CELF2: variants seen among roughly 807,000 people sequenced by gnomAD.
The protein encoded by CELF2 is CUGBP Elav-like family member 2.
In CELF2, 8 loss-of-function variants were observed where a neutral mutation model predicts 62.6. That is an observed-to-expected ratio of 0.13 (90% confidence interval 0.07 to 0.23). CELF2 has a LOEUF of 0.23. Ranked by LOEUF, CELF2 falls within the 10% of genes least tolerant of loss-of-function variation. The pLI is 1.00. For synonymous variants in CELF2, 258 were observed against 250.0 expected, an observed-to-expected ratio of 1.03 and a Z score of -0.30; for missense variants, 333 against 671.0, an observed-to-expected ratio of 0.50 and a Z score of 5.56.
At chr10:10,725,229 A>G in the CELF2 span, among the ~76,000 whole-genome samples, 2 of 152,126 alleles carry the variant, frequency 1.3e-5, no homozygotes, top group Non-Finnish European at 1.5e-5. Context: ...CTAATTACCT[A>G]ACAGTAATAA....
chr10:11,165,364 G>A lies in CELF2; in HGVS notation c.75-122G>A. The A allele has an allele frequency of 3.3e-6, 5 of 1,505,370 alleles. No individual in the cohort carries two copies. The South Asian group carries it at 5.4e-5, about 16-fold the overall frequency. The allele number at this position is 1,505,370 out of a possible 1,614,324, so 93.3% of individuals were successfully genotyped here. ...TCATCAAATTTCTACGACTCATTAGGCACTTTGCCACTGCTCTTCTTCCTC... is the reference window on the plus strand; with the variant it reads ...TCATCAAATTTCTACGACTCATTAGACACTTTGCCACTGCTCTTCTTCCTC... On this transcript the variant is annotated intron_variant, in intron 1 of 12. Transcript: ENST00000633077. The surrounding 1 kb of genome is among the most constrained non-coding windows in gnomAD (Gnocchi z 7.4).
chr10:11,003,941 T>C (rs1179484767), upstream of CELF2, among the ~76,000 whole-genome samples: 3 of 152,154 alleles, frequency 2.0e-5, no homozygotes, highest in Admixed American at 6.5e-5. This position sits in a 1 kb window ranked among gnomAD's most constrained non-coding sequence, Gnocchi z 4.4. Context: ...CCTCTAGAAA[T>C]AGGGATGGTG....
chr10:11,040,259 C>G (rs2061599870), intron 1 of CELF2, among the ~76,000 whole-genome samples: 1 of 152,120 alleles, frequency 6.6e-6, no homozygotes, highest in Non-Finnish European at 1.5e-5. Flanking sequence ...TAATTCAAAA[C>G]AAGCATTAAC....
intron 2 of CELF2, among the ~76,000 whole-genome samples, chr10:11,187,000 T>C (rs529202514): frequency 1.3e-5 from 2 of 152,308 alleles, no homozygotes; most frequent in East Asian, 3.9e-4. Context: ...TCCATGTGCA[T>C]CTCAAAAGAA....
At chr10:11,136,784 A>G (rs1420739474) in intron 1 of CELF2, among the ~76,000 whole-genome samples, 1 of 151,956 alleles carries the variant, frequency 6.6e-6, no homozygotes, top group Non-Finnish European at 1.5e-5. Flanking sequence ...ATTCCATCCT[A>G]CTTCTAGTGT....
intron 1 of CELF2, among the ~76,000 whole-genome samples, chr10:10,881,239 C>T (rs749978329): frequency 3.9e-5 from 6 of 152,158 alleles, no homozygotes; most frequent in Non-Finnish European, 8.8e-5. Context: ...AATTTACATA[C>T]ATTTTCAGAA....
At chr10:10,712,147 CAAAAAAAAA>C in the CELF2 span, among the ~76,000 whole-genome samples, 140 of 43,416 alleles carry the variant, frequency 3.2e-3, 1 homozygote, top group South Asian at 0.051. Context: ...AGGATAGAGA[CAAAAAAAAA>C]AAAAAAAAAA....
chr10:11,202,937 C>CTCTG (rs2059579158), intron 2 of CELF2, among the ~76,000 whole-genome samples: 2 of 84,342 alleles, frequency 2.4e-5, no homozygotes, highest in Admixed American at 1.1e-4. Context: ...CTCTCTCTCT[C>CTCTG]TCTCTCTCTC....
intron 1 of CELF2, among the ~76,000 whole-genome samples, chr10:11,138,523 A>G (rs1564899488): frequency 6.6e-6 from 1 of 152,222 alleles, no homozygotes; most frequent in Admixed American, 6.5e-5. Flanking sequence ...ACCGACAGCT[A>G]TGACACACAC....
chr10:10,937,108 T>G (rs1284220674), intron 2 of CELF2, among the ~76,000 whole-genome samples: 1 of 149,614 alleles, frequency 6.7e-6, no homozygotes, highest in Non-Finnish European at 1.5e-5. Context: ...TTCTTCTTTT[T>G]TGTTTTTCTT....
intron 1 of CELF2, among the ~76,000 whole-genome samples, chr10:10,811,617 C>A (rs1471473246): frequency 6.6e-6 from 1 of 152,126 alleles, no homozygotes; most frequent in Non-Finnish European, 1.5e-5. Flanking sequence ...CCATTATAAG[C>A]CCTATGTATT....
At chr10:10,923,211 C>T (rs536339089) in intron 2 of CELF2, 9 of 152,272 alleles carry the variant, frequency 5.9e-5, no homozygotes, top group African/African-American at 1.7e-4. Context: ...CATAAAGGTG[C>T]GCTTACGCTG....
the CELF2 span, among the ~76,000 whole-genome samples, chr10:10,492,695 A>G: frequency 0.31 from 47,655 of 152,080 alleles, 8,843 homozygotes; most frequent in Admixed American, 0.42. Context: ...ACAAAAAGTG[A>G]CATATAAATA....
chr10:10,962,886 C>A (rs2049686282), intron 2 of CELF2, among the ~76,000 whole-genome samples: 3 of 152,206 alleles, frequency 2.0e-5, no homozygotes, highest in Non-Finnish European at 4.4e-5. Context: ...TTTTGCTTGG[C>A]CATTTTCCAT....
At chr10:11,190,616 T>TAAA in intron 2 of CELF2, among the ~76,000 whole-genome samples, 1 of 146,352 alleles carries the variant, frequency 6.8e-6, no homozygotes, top group South Asian at 2.1e-4. Flanking sequence ...ATTGTTCTTT[T>TAAA]AAAAAAAAAA....
intron 3 of CELF2, among the ~76,000 whole-genome samples, chr10:11,222,904 A>G (rs914823962): frequency 6.6e-6 from 1 of 152,240 alleles, no homozygotes; most frequent in African/African-American, 2.4e-5. Flanking sequence ...ACACAGATCT[A>G]TATATGTGTA....
At chr10:10,732,549 A>T in the CELF2 span, among the ~76,000 whole-genome samples, 1 of 142,162 alleles carries the variant, frequency 7.0e-6, no homozygotes, top group Non-Finnish European at 1.5e-5. Context: ...TTTGAGACAA[A>T]GTCTCACTCT....
chr10:10,819,513 C>G (rs1359250914), intron 1 of CELF2, among the ~76,000 whole-genome samples: 1 of 152,008 alleles, frequency 6.6e-6, no homozygotes, highest in African/African-American at 2.4e-5. Flanking sequence ...CTGGAACTCT[C>G]AAAGCATTAA....
the CELF2 span, among the ~76,000 whole-genome samples, chr10:10,751,721 C>T: frequency 5.3e-5 from 8 of 152,130 alleles, no homozygotes; most frequent in African/African-American, 1.9e-4. Flanking sequence ...TGGATCAGCA[C>T]AAATCTCGTA....
Sources: gnomAD v4.1 joint callset for allele counts (sites outside exome capture counted in the v4.1 genomes callset) on GRCh38, gnomAD v4.1.1 for gene constraint, Gnocchi (gnomAD v3.1) non-coding constraint, MANE v1.5 for transcripts, NCBI Gene and HGNC (gene_info 2026-07-23, HGNC 2026-07-21) for gene names.